Variants in CCDC146 observed in about 807,000 individuals in gnomAD.
The protein encoded by CCDC146 is coiled-coil domain containing 146.
In CCDC146, 92 loss-of-function variants were observed where a neutral mutation model predicts 119.3. That is an observed-to-expected ratio of 0.77 (90% CI 0.65 to 0.92). The LOEUF is 0.92. Among genes scored for constraint, CCDC146 ranks in the 40% least tolerant of loss-of-function variants. The pLI, the probability that CCDC146 is intolerant of heterozygous loss-of-function variation, is 0.00. For synonymous variants in CCDC146, 372 were observed against 371.8 expected (o/e 1.00, Z -0.01); for missense variants, 1,000 against 1,103.0 (o/e 0.91, Z 1.32).
chr7:77,283,848 C>T (rs1326715485), intron 15 of CCDC146, among the ~76,000 whole-genome samples: 1 of 152,102 alleles, frequency 6.6e-6, no homozygotes, highest in African/African-American at 2.4e-5. Flanking sequence ...AGATAATAGC[C>T]TCTTTCAGTT....
At chr7:77,294,633 G>A in intron 18 of CCDC146, 30 bp from the exon 19 acceptor site, 1 of 1,603,354 alleles carries the variant, frequency 6.2e-7, no homozygotes, top group South Asian at 1.1e-5. Context: ...AGTTTTCAGA[G>A]AACTGAAAAG....
intron 1 of CCDC146, among the ~76,000 whole-genome samples, chr7:77,127,188 C>T (rs1385751491): frequency 1.3e-5 from 2 of 152,134 alleles, no homozygotes; most frequent in African/African-American, 2.4e-5. Context: ...TCAGCAGGGG[C>T]GGGATTCCCC....
At position 77,274,659 on chromosome 7, in the gene CCDC146, G is replaced by A. The variant is rs1313646814; in HGVS notation, c.1440+7G>A. The A allele has an allele frequency of 6.2e-7, 1 of 1,600,740 alleles. No homozygotes were observed. Among genetic ancestry groups the A allele is most frequent in the Admixed American group, 1.8e-5 (1 of 56,736 alleles). ...GGATTTCCTGAAAGCTCAGGTAACT[G>A]CATTTTTTTAACCATTCATTGATAA... is the stretch of plus-strand genomic sequence containing the variant. On this transcript the variant is annotated splice_region_variant and intron_variant, in intron 11 of 18. Transcript: ENST00000285871.
chr7:77,267,195 G>T (rs2150524255), intron 9 of CCDC146, among the ~76,000 whole-genome samples: 1 of 152,136 alleles, frequency 6.6e-6, no homozygotes, highest in South Asian at 2.1e-4. Flanking sequence ...GTTTCACCAT[G>T]TTGCCCAGGC....
At chr7:77,179,633 T>C (rs1356356271) in intron 2 of CCDC146, among the ~76,000 whole-genome samples, 1 of 152,172 alleles carries the variant, frequency 6.6e-6, no homozygotes, top group Non-Finnish European at 1.5e-5. Context: ...TATACATGCA[T>C]CATTTAATAC....
intron 1 of CCDC146, among the ~76,000 whole-genome samples, chr7:77,160,509 G>A (rs1791244782): frequency 1.3e-5 from 2 of 152,172 alleles, no homozygotes; most frequent in African/African-American, 4.8e-5. Flanking sequence ...GGATTCCTAG[G>A]TATTTTATTC....
At chr7:77,260,979 G>T (rs1199019380) in intron 8 of CCDC146, among the ~76,000 whole-genome samples, 2 of 152,000 alleles carry the variant, frequency 1.3e-5, no homozygotes, top group East Asian at 3.9e-4. Context: ...TTCTATCTCT[G>T]CCAGTCTGTT....
At chr7:77,187,528 C>T (rs1328571078) in intron 2 of CCDC146, among the ~76,000 whole-genome samples, 1 of 152,172 alleles carries the variant, frequency 6.6e-6, no homozygotes, top group Admixed American at 6.5e-5. Context: ...AGGGCCTCAG[C>T]GCCACTCTCA....
At chr7:77,155,211 A>AC (rs2117453909) in intron 1 of CCDC146, among the ~76,000 whole-genome samples, 1 of 152,336 alleles carries the variant, frequency 6.6e-6, no homozygotes, top group South Asian at 2.1e-4. Flanking sequence ...TTCTCGCCAC[A>AC]CTGTGTATAT....
intron 1 of CCDC146, among the ~76,000 whole-genome samples, chr7:77,143,730 G>A (rs1435581591): frequency 4.0e-5 from 6 of 151,682 alleles, no homozygotes; most frequent in Admixed American, 3.9e-4. Context: ...AGTTGTAGAT[G>A]TGTGGTATTA....
intron 1 of CCDC146, among the ~76,000 whole-genome samples, chr7:77,164,554 G>C (rs1013646097): frequency 2.0e-5 from 3 of 152,216 alleles, no homozygotes; most frequent in African/African-American, 7.2e-5. Context: ...TACCGCCTCT[G>C]AAGTATTGTT....
chr7:77,194,347 G>A (rs1190419586), intron 2 of CCDC146: 2 of 151,858 alleles, frequency 1.3e-5, no homozygotes, highest in Non-Finnish European at 2.9e-5. Flanking sequence ...TTTTTAAAAA[G>A]TAAAAAGTAA....
At chr7:77,162,603 G>A (rs1466531843) in intron 1 of CCDC146, among the ~76,000 whole-genome samples, 4 of 152,052 alleles carry the variant, frequency 2.6e-5, no homozygotes, top group Non-Finnish European at 5.9e-5. Context: ...CCTGCCTAAG[G>A]TGGGTTTGGC....
At chr7:77,211,957 GTCA>G (rs1228020748) in intron 2 of CCDC146, among the ~76,000 whole-genome samples, 4 of 152,064 alleles carry the variant, frequency 2.6e-5, no homozygotes. Context: ...AATAGCCAAT[GTCA>G]TGCTTAATTG....
intron 2 of CCDC146, among the ~76,000 whole-genome samples, chr7:77,232,146 G>T (rs1792643112): frequency 6.6e-6 from 1 of 152,040 alleles, no homozygotes; most frequent in South Asian, 2.1e-4. Flanking sequence ...TGAATTCCTG[G>T]GTGTTGCCCT....
At chr7:77,258,521 ATATGT>A (rs976881901) in intron 6 of CCDC146, among the ~76,000 whole-genome samples, 13 of 152,186 alleles carry the variant, frequency 8.5e-5, no homozygotes, top group Admixed American at 3.3e-4. Flanking sequence ...ACAGTATTCA[ATATGT>A]TATGTTTATT....
At chr7:77,184,021 A>T (rs1791627909) in intron 2 of CCDC146, among the ~76,000 whole-genome samples, 1 of 152,204 alleles carries the variant, frequency 6.6e-6, no homozygotes, top group Non-Finnish European at 1.5e-5. Flanking sequence ...CTAAGTTCTC[A>T]GTGATTTGAA....
Position 77,293,031 on chromosome 7 carries a change from C to G in CCDC146, c.2495C>G (p.Ala832Gly). The change falls in exon 18 of 19, where the codon GCC becomes GGC. Residue 832 changes from alanine (A) to glycine (G), a missense_variant. Around this residue, in one of 2 missense-constraint regions of CCDC146, gnomAD observed 985 missense variants for 1,045.3 expected, o/e 0.94. Transcript: ENST00000285871. ...ALVAELSMKQ[A>G]LTIELQKEVR... is the part of the protein sequence containing the mutation. ...GTTGCTGAGCTGTCCATGAAACAAG[C>G]CCTAACCATTGAACTCCAAAAGGAA... is the stretch of plus-strand genomic sequence containing the variant. The G allele has an allele frequency of 3.1e-6, 5 of 1,614,076 alleles. No individual in the cohort carries two copies. The highest frequency in any genetic ancestry group is 4.2e-6 in the Non-Finnish European group (5 of 1,179,990).
rs1324005984 is a variant in CCDC146 at position 77,123,081 on chromosome 7, G to A, written c.-12+349G>A. On this transcript the variant is annotated intron_variant, in intron 1 of 18. Transcript: ENST00000285871. ...ATCAAGTAAGAAAATGGATGGGACC[G>A]TGGTGCACAGTCTACCAAATTACCG... Among the ~76,000 whole-genome samples, 5 of 145,954 alleles carry A rather than the reference G, an allele frequency of 3.4e-5. No homozygotes were observed. In the East Asian group the frequency reaches 8.0e-4, roughly 23 times the overall value.
Sources: allele counts gnomAD v4.1 joint callset (sites outside exome capture counted in the v4.1 genomes callset), GRCh38; gene constraint gnomAD v4.1.1; regional missense constraint gnomAD v4.1.1; transcripts MANE v1.5; gene names NCBI Gene and HGNC (gene_info 2026-07-23, HGNC 2026-07-21).